Variants in HSP90AA1 observed in about 807,000 individuals in gnomAD.
The protein encoded by HSP90AA1 is heat shock protein HSP 90-alpha.
In HSP90AA1, 18 loss-of-function variants were observed where a neutral mutation model predicts 73.3. That is an observed-to-expected ratio of 0.25 (90% CI 0.17 to 0.36). The LOEUF (loss-of-function observed/expected upper bound fraction) is 0.36. Ranked by LOEUF, HSP90AA1 falls within the 10% of genes least tolerant of loss-of-function variation. The probability of loss-of-function intolerance (pLI) is 1.00; values close to 1 mark genes in which losing one functional copy is unlikely to be tolerated. For synonymous variants in HSP90AA1, 477 were observed against 296.9 expected (o/e 1.61, Z -6.24); for missense variants, 704 against 874.2 (o/e 0.81, Z 2.45).
intron 1 of HSP90AA1, among the ~76,000 whole-genome samples, chr14:102,127,429 AATGT>A (rs553676456): frequency 4.9e-4 from 74 of 152,208 alleles, no homozygotes; most frequent in Non-Finnish European, 7.6e-4. Flanking sequence ...ACTGAGGCAG[AATGT>A]CCCAGCCTTA....
At chr14:102,086,181 A>C in intron 2 of HSP90AA1, 36 bp downstream of exon 2, 1 of 1,614,186 alleles carries the variant, frequency 6.2e-7, no homozygotes, top group Non-Finnish European at 8.5e-7. Context: ...TTCACACTGA[A>C]ACCAAAATCC....
chr14:102,117,357 G>C (rs2049720516), intron 1 of HSP90AA1, among the ~76,000 whole-genome samples: 1 of 152,014 alleles, frequency 6.6e-6, no homozygotes, highest in South Asian at 2.1e-4. Flanking sequence ...GCCTTTTCCA[G>C]GCCCACTTAT....
At position 102,083,526 on chromosome 14, in the gene HSP90AA1, G is replaced by C. The variant is rs200106034; in HGVS notation, c.1486+20C>G. 25 of 1,610,476 alleles carry C rather than the reference G, an allele frequency of 1.6e-5. No individual in the cohort carries two copies. The highest frequency in any genetic ancestry group is 8.8e-5 in the South Asian group (8 of 90,994). On this transcript the variant is annotated intron_variant, in intron 8 of 10. Coordinates refer to ENST00000216281, the MANE Select transcript of HSP90AA1 (RefSeq NM_005348.4). ...GATTGTAAGAACGACGTGTATGACT[G>C]TAACATAGTGTTCTCTTACCTGTGA...
chr14:102,091,182 G>T (rs1282759713), upstream of HSP90AA1, among the ~76,000 whole-genome samples: 4 of 152,120 alleles, frequency 2.6e-5, no homozygotes, highest in Non-Finnish European at 5.9e-5. Context: ...TAGTCCTCTC[G>T]ACTCTGAAGT....
intron 1 of HSP90AA1, among the ~76,000 whole-genome samples, chr14:102,123,619 T>A (rs929734304): frequency 6.6e-6 from 1 of 151,486 alleles, no homozygotes; most frequent in Non-Finnish European, 1.5e-5. Context: ...CAAGGGATCC[T>A]CCCGCCTTGG....
upstream of HSP90AA1, among the ~76,000 whole-genome samples, chr14:102,091,278 C>T (rs1566724558): frequency 1.3e-5 from 2 of 152,060 alleles, no homozygotes; most frequent in South Asian, 4.2e-4. Context: ...AGAGCAAGGG[C>T]CTCCAGGGCA....
chr14:102,107,192 G>C (rs2049579836), intron 1 of HSP90AA1, among the ~76,000 whole-genome samples: 1 of 151,942 alleles, frequency 6.6e-6, no homozygotes, highest in Non-Finnish European at 1.5e-5. Context: ...AGGCGAGGGT[G>C]GGGAGTCTGG....
chr14:102,135,977 G>A (rs2049988980), intron 1 of HSP90AA1, among the ~76,000 whole-genome samples: 1 of 152,240 alleles, frequency 6.6e-6, no homozygotes, highest in African/African-American at 2.4e-5. Context: ...GTGGGGGGCT[G>A]AAGGGCTCCT....
chr14:102,133,710 T>C (rs1187668700), intron 1 of HSP90AA1, among the ~76,000 whole-genome samples: 4 of 152,184 alleles, frequency 2.6e-5, no homozygotes, highest in South Asian at 2.1e-4. Flanking sequence ...CTCGAACTCC[T>C]GACCTCAGAT....
chr14:102,082,605 TAATTTC>T lies in HSP90AA1; in HGVS notation c.1756-167_1756-162del. ...TTAGGTATCCAAAGAGCACAGGTTA[TAATTTC>T]ATGTTTTACATGCACAATTTTTTTT... On this transcript the variant is annotated intron_variant, in intron 9 of 10. Coordinates refer to ENST00000216281, the MANE Select transcript of HSP90AA1 (RefSeq NM_005348.4). The T allele has an allele frequency of 4.6e-6, 3 of 653,044 alleles. No homozygotes were observed. In the South Asian group the frequency reaches 5.5e-5, roughly 12 times the overall value. 40.5% of individuals were successfully genotyped at this position (653,044 alleles called of 1,614,324 possible). A position where few individuals can be genotyped will look rare whatever the true frequency, so the allele number is the denominator to read the frequency against.
intron 1 of HSP90AA1, among the ~76,000 whole-genome samples, chr14:102,127,198 GA>G (rs2049850801): frequency 6.6e-6 from 1 of 151,968 alleles, no homozygotes; most frequent in South Asian, 2.1e-4. Context: ...AAAAAGTTAG[GA>G]ACTGTTATTG....
At chr14:102,111,445 A>G (rs1306780846) in intron 1 of HSP90AA1, among the ~76,000 whole-genome samples, 2 of 152,344 alleles carry the variant, frequency 1.3e-5, no homozygotes, top group Non-Finnish European at 2.9e-5. Context: ...CATGGAAGTC[A>G]AGAATTGAGG....
chr14:102,084,584 C>A lies in HSP90AA1; in HGVS notation c.982-20G>T. The A allele has an allele frequency of 6.2e-7, 1 of 1,614,162 alleles. No individual in the cohort carries two copies. Among genetic ancestry groups the A allele is most frequent in the Middle Eastern group, 1.6e-4 (1 of 6,062 alleles). On this transcript the variant is annotated intron_variant, in intron 5 of 10. Transcript: ENST00000216281. ...AAAATGCTGTAATAAAACAGATACA[C>A]TAAGTACCAATGAACAATGCATTAT... is the stretch of plus-strand genomic sequence containing the variant.
At chr14:102,085,251 A>C (rs773019168) in intron 4 of HSP90AA1, 47 bp downstream of exon 4, 1 of 1,587,734 alleles carries the variant, frequency 6.3e-7, no homozygotes, top group Admixed American at 1.7e-5. Flanking sequence ...CAGTCACCCC[A>C]ATCACCTACA....
chr14:102,090,050 A>C (rs1039837790), upstream of HSP90AA1, among the ~76,000 whole-genome samples: 12 of 152,090 alleles, frequency 7.9e-5, no homozygotes, highest in African/African-American at 2.9e-4. Context: ...AGGAAGACAG[A>C]GCTCTTTAGG....
chr14:102,092,057 AT>A lies in HSP90AA1; in HGVS notation c.367-5680del, dbSNP rs528715751. Among the ~76,000 whole-genome samples the A allele has an allele frequency of 3.6e-3, 545 of 149,344 alleles. 7 individuals carry two copies. The highest frequency in any genetic ancestry group is 0.036 in the Middle Eastern group (10 of 280). On this transcript the variant is annotated intron_variant, in intron 2 of 11. Transcript: ENST00000334701. ...TTTCAAATAGTTGGAGGTTTTTCAG[AT>A]TTTTTTTGTTACTGATTTTTTTTTT...
chr14:102,133,230 A>T (rs2049930772), intron 1 of HSP90AA1, among the ~76,000 whole-genome samples: 2 of 152,050 alleles, frequency 1.3e-5, no homozygotes, highest in Non-Finnish European at 2.9e-5. Context: ...CAGTGAGCTG[A>T]GATCATGCCA....
At chr14:102,086,399 T>C (rs749154659) in intron 1 of HSP90AA1, 21 bp from the exon 2 acceptor site, 16 of 1,613,988 alleles carry the variant, frequency 9.9e-6, no homozygotes, top group Middle Eastern at 1.6e-4. Context: ...ACCGCGCCGG[T>C]TTAAAACCTT....
chr14:102,121,226 GAT>G lies in HSP90AA1; in HGVS notation c.155+18022_155+18023del, dbSNP rs528940159. On this transcript the variant is annotated intron_variant, in intron 1 of 11. Coordinates refer to the HSP90AA1 transcript ENST00000334701. Reference sequence around the variant, plus strand: ...TGTATTTTTCATTTAATATATTTTGGATATGTTTTCATGTCAGTATATGTAAG... The same window carrying G: ...TGTATTTTTCATTTAATATATTTTGGATGTTTTCATGTCAGTATATGTAAG... 3.2e-3 allele frequency among the ~76,000 whole-genome samples: 491 copies of G among 152,062 alleles called. 5 individuals are homozygous for G. The highest frequency in any genetic ancestry group is 0.011 in the African/African-American group (468 of 41,492).
Sources: allele counts gnomAD v4.1 joint callset (sites outside exome capture counted in the v4.1 genomes callset), GRCh38; gene constraint gnomAD v4.1.1; transcripts MANE v1.5; gene names NCBI Gene and HGNC (gene_info 2026-07-23, HGNC 2026-07-21).